Variants in PRMT3 observed in about 807,000 individuals in gnomAD.
PRMT3 encodes protein arginine N-methyltransferase 3.
A neutral mutation model predicts 71.9 loss-of-function variants in PRMT3; 62 were observed. The observed-to-expected ratio is 0.86, with a 90% confidence interval of 0.70 to 1.07. The LOEUF (loss-of-function observed/expected upper bound fraction) is 1.07, where lower values mean the gene tolerates loss of function less well. Ranked by LOEUF, PRMT3 falls within the 50% of genes least tolerant of loss-of-function variation. The probability of loss-of-function intolerance (pLI) is 0.00; values close to 1 mark genes in which losing one functional copy is unlikely to be tolerated. For missense variants in PRMT3, 663 were observed against 643.0 expected, an observed-to-expected ratio of 1.03 and a Z score of -0.34; for synonymous variants, 213 against 220.4, an observed-to-expected ratio of 0.97 and a Z score of 0.30.
chr11:20,508,390 A>C lies in PRMT3; in HGVS notation c.1573A>C (p.Thr525Pro), dbSNP rs201557233. Residue 525 changes from threonine (T) to proline (P), a missense_variant, in exon 16 of 16, where the codon ACT becomes CCT. By Grantham distance (38) the Thr-to-Pro change is conservative. Transcript: ENST00000331079. ...CGTGACCCTCACGTTGAATAATTCAACTCAAACTTATGGTCTCCAGTGAAA... is the reference window on the plus strand; with the variant it reads ...CGTGACCCTCACGTTGAATAATTCACCTCAAACTTATGGTCTCCAGTGAAA... ...LTVTLTLNNS[T>P]QTYGLQ 10 of 1,606,304 alleles carry C rather than the reference A, an allele frequency of 6.2e-6. No individual in the cohort carries two copies. The highest frequency in any genetic ancestry group is 1.7e-4 in the Middle Eastern group (1 of 6,048).
At position 20,410,097 on chromosome 11, in the gene PRMT3, C is replaced by A. The variant is rs553370675; in HGVS notation, c.893+2065C>A. Among the ~76,000 whole-genome samples, 156 of 152,090 alleles carry A rather than the reference C, an allele frequency of 1.0e-3. 1 individual carries two copies. Among genetic ancestry groups the A allele is most frequent in the African/African-American group, 3.7e-3 (152 of 41,504 alleles). ...GTAAAGGAATTATAATACATTGTTTCATTTTATTTTACAGAAGTCCTGATT... is the reference window on the plus strand; with the variant it reads ...GTAAAGGAATTATAATACATTGTTTAATTTTATTTTACAGAAGTCCTGATT... On this transcript the variant is annotated intron_variant, in intron 9 of 15. Transcript: ENST00000331079.
rs1848626206 is a variant in PRMT3 at position 20,387,767 on chromosome 11, C to T, written c.21C>T (p.Gly7=). ...CAGCCATGTGCTCGTTAGCGTCAGG[C>T]GCTACCGGTGGGTACCCTGGCCCCT... is the stretch of plus-strand genomic sequence containing the variant. MCSLAS[G]ATGGRGAVEN... is the part of the protein sequence containing the mutation. The change falls in exon 1 of 16, where the codon GGC becomes GGT. Residue 7 remains glycine (G), a synonymous_variant. Coordinates refer to ENST00000331079, the MANE Select transcript of PRMT3 (RefSeq NM_005788.4). This position sits in a 1 kb window ranked among gnomAD's most constrained non-coding sequence, Gnocchi z 4.3. The T allele has an allele frequency of 6.5e-7, 1 of 1,542,060 alleles. No homozygotes were observed. The highest frequency in any genetic ancestry group is 8.7e-7 in the Non-Finnish European group (1 of 1,146,270).
chr11:20,501,369 T>G (rs10741842), intron 15 of PRMT3, among the ~76,000 whole-genome samples: 115,707 of 151,922 alleles, frequency 0.76, 45,761 homozygotes, highest in Non-Finnish European at 0.88. Flanking sequence ...TCCAATTTTC[T>G]CCATCACCTT....
intron 10 of PRMT3, among the ~76,000 whole-genome samples, chr11:20,436,337 G>A (rs1849760527): frequency 6.6e-6 from 1 of 152,162 alleles, no homozygotes; most frequent in South Asian, 2.1e-4. Flanking sequence ...GAATAAAAGT[G>A]GTGAAAGTGG....
At chr11:20,482,172 A>G (rs187229547) in intron 13 of PRMT3, among the ~76,000 whole-genome samples, 1 of 152,096 alleles carries the variant, frequency 6.6e-6, no homozygotes, top group Non-Finnish European at 1.5e-5. Flanking sequence ...ATGCTGAAAA[A>G]TAATGCTTCT....
chr11:20,489,481 A>G (rs1179101038), intron 13 of PRMT3, among the ~76,000 whole-genome samples: 1 of 152,120 alleles, frequency 6.6e-6, no homozygotes, highest in Non-Finnish European at 1.5e-5. Context: ...ATTATTTCCT[A>G]TGGTTGTTTA....
rs1848855735 is a variant in PRMT3 at position 20,397,634 on chromosome 11, T to G, written c.618T>G (p.Thr206=). 1.2e-6 allele frequency: 2 copies of G among 1,614,144 alleles called. No homozygotes were observed. Among genetic ancestry groups the G allele is most frequent in the Non-Finnish European group, 1.7e-6 (2 of 1,180,014 alleles). Residue 206 remains threonine, a synonymous_variant, in exon 7 of 16, where the codon ACT becomes ACG. Transcript: ENST00000331079. ...HTDVRTCSSS[T]SVIADLQEDE... is the part of the protein sequence containing the mutation. ...ATGTCAGAACCTGCTCGTCATCTACTAGTGTCATTGCGGACCTCCAGGAGG... is the reference window on the plus strand; with the variant it reads ...ATGTCAGAACCTGCTCGTCATCTACGAGTGTCATTGCGGACCTCCAGGAGG...
At chr11:20,469,794 C>G (rs1294339703) in intron 13 of PRMT3, among the ~76,000 whole-genome samples, 5 of 151,918 alleles carry the variant, frequency 3.3e-5, no homozygotes, top group Non-Finnish European at 7.4e-5. Context: ...GTTTTTATAT[C>G]TTAATTTCAG....
At chr11:20,396,941 T>C (rs1462165002) in intron 6 of PRMT3, among the ~76,000 whole-genome samples, 1 of 152,208 alleles carries the variant, frequency 6.6e-6, no homozygotes. Flanking sequence ...CCAGAATGAA[T>C]GTCCAGCAGG....
intron 11 of PRMT3, among the ~76,000 whole-genome samples, chr11:20,459,804 A>C (rs913617471): frequency 1.3e-5 from 2 of 152,164 alleles, no homozygotes; most frequent in Non-Finnish European, 2.9e-5. Context: ...AACTAAATAC[A>C]CTTCCTTATA....
Position 20,388,168 on chromosome 11 carries a change from A to T in PRMT3, c.164+14A>T. 6.2e-7 allele frequency: 1 copy of T among 1,613,782 alleles called. No individual in the cohort carries two copies. Among genetic ancestry groups the T allele is most frequent in the Non-Finnish European group, 8.5e-7 (1 of 1,179,980 alleles). ...GTTCTGTAACAGGTTCGTCCGCCTCAGCGCCTGGCCTCTGCCCTAGGGTGC... is the reference window on the plus strand; with the variant it reads ...GTTCTGTAACAGGTTCGTCCGCCTCTGCGCCTGGCCTCTGCCCTAGGGTGC... On this transcript the variant is annotated intron_variant, in intron 2 of 15. Coordinates refer to ENST00000331079, the MANE Select transcript of PRMT3 (RefSeq NM_005788.4).
chr11:20,404,391 G>A (rs1046567786), intron 8 of PRMT3, among the ~76,000 whole-genome samples: 21 of 151,564 alleles, frequency 1.4e-4, no homozygotes, highest in South Asian at 6.2e-4. Context: ...GTGCCACCAC[G>A]CCCAGCTAAT....
chr11:20,450,026 AAG>A (rs1850113730), intron 10 of PRMT3, among the ~76,000 whole-genome samples: 1 of 152,168 alleles, frequency 6.6e-6, no homozygotes, highest in Non-Finnish European at 1.5e-5. Flanking sequence ...AAGAAAAAGA[AAG>A]GATATTTTAT....
intron 9 of PRMT3, among the ~76,000 whole-genome samples, chr11:20,417,583 T>G (rs570137444): frequency 1.3e-5 from 2 of 152,198 alleles, no homozygotes; most frequent in African/African-American, 4.8e-5. Context: ...GATTGAAAAT[T>G]TAATCCTATA....
At chr11:20,402,814 G>T in intron 7 of PRMT3, 105 bp from the exon 8 acceptor site, 1 of 761,420 alleles carries the variant, frequency 1.3e-6, no homozygotes, top group Non-Finnish European at 2.1e-6. Flanking sequence ...TATAAAAACT[G>T]CTATGGAAAC....
intron 15 of PRMT3, among the ~76,000 whole-genome samples, chr11:20,503,878 ATATTTAACTT>A (rs566942634): frequency 6.6e-6 from 1 of 152,316 alleles, no homozygotes; most frequent in Admixed American, 6.5e-5. Flanking sequence ...TGGTAAGTGT[ATATTTAACTT>A]TATAAGAAAC....
At chr11:20,401,528 A>C (rs567174888) in intron 7 of PRMT3, among the ~76,000 whole-genome samples, 1 of 152,168 alleles carries the variant, frequency 6.6e-6, no homozygotes, top group South Asian at 2.1e-4. Flanking sequence ...GCCCTTTAAG[A>C]TCTCCTTTTA....
At chr11:20,455,137 T>C (rs1590076683) in intron 11 of PRMT3, among the ~76,000 whole-genome samples, 1 of 152,182 alleles carries the variant, frequency 6.6e-6, no homozygotes, top group Non-Finnish European at 1.5e-5. Context: ...AAAATATTGG[T>C]TATGACCAAT....
At chr11:20,433,807 A>G (rs1001178494) in intron 10 of PRMT3, among the ~76,000 whole-genome samples, 1 of 152,056 alleles carries the variant, frequency 6.6e-6, no homozygotes, top group Non-Finnish European at 1.5e-5. Context: ...TTTGGTAGAG[A>G]TGAGGTTTCA....
Sources: allele counts gnomAD v4.1 joint callset (sites outside exome capture counted in the v4.1 genomes callset), GRCh38; gene constraint gnomAD v4.1.1; non-coding constraint Gnocchi (gnomAD v3.1); transcripts MANE v1.5; gene names NCBI Gene and HGNC (gene_info 2026-07-23, HGNC 2026-07-21).